RBFOX1: variants seen among roughly 807,000 people sequenced by gnomAD.
RBFOX1 encodes RNA binding fox-1 homolog 1, also known as RNA binding protein fox-1 homolog 1.
A neutral mutation model predicts 57.7 loss-of-function variants in RBFOX1; 8 were observed. The observed-to-expected ratio is 0.14, with a 90% CI of 0.08 to 0.25. RBFOX1 has a LOEUF of 0.25. RBFOX1 is among the 10% of genes least tolerant of loss of function. The probability of loss-of-function intolerance (pLI) is 1.00; values close to 1 mark genes in which losing one functional copy is unlikely to be tolerated. For missense variants in RBFOX1, 611 were observed against 548.5 expected (o/e 1.11, Z -1.14); for synonymous variants, 326 against 222.4 (o/e 1.47, Z -4.15).
At chr16:7,321,625 T>G (rs979127967) in intron 4 of RBFOX1, among the ~76,000 whole-genome samples, 1 of 152,222 alleles carries the variant, frequency 6.6e-6, no homozygotes, top group Non-Finnish European at 1.5e-5. Context: ...AGGATTTACC[T>G]TATAGGATAG....
At chr16:7,016,746 C>G (rs572853862) in intron 3 of RBFOX1, among the ~76,000 whole-genome samples, 3 of 152,186 alleles carry the variant, frequency 2.0e-5, no homozygotes, top group Non-Finnish European at 2.9e-5. Context: ...ATTAAACTGT[C>G]TACTTCACTG....
Position 7,004,593 on chromosome 16 carries a change from A to C in RBFOX1, c.-15-47464A>C, listed in dbSNP as rs75169220. On this transcript the variant is annotated intron_variant, in intron 3 of 15. Coordinates refer to ENST00000550418, the MANE Select transcript of RBFOX1 (RefSeq NM_018723.4). ...AGGTTTATTAGTACAATGAATTTCT[A>C]TTTAATGGCTTTAATTTAGAACAGT... Among the ~76,000 whole-genome samples the C allele has an allele frequency of 2.0e-5, 3 of 152,330 alleles. No individual in the cohort carries two copies. In the South Asian group the frequency reaches 6.2e-4, roughly 32 times the overall value.
intron 3 of RBFOX1, among the ~76,000 whole-genome samples, chr16:5,836,077 A>G (rs545185462): frequency 6.6e-6 from 1 of 152,338 alleles, no homozygotes; most frequent in South Asian, 2.1e-4. Context: ...AGCAAATTGT[A>G]GCTTGCAGCA....
chr16:7,280,650 A>G (rs1356094347), intron 4 of RBFOX1, among the ~76,000 whole-genome samples: 1 of 152,180 alleles, frequency 6.6e-6, no homozygotes, highest in Admixed American at 6.5e-5. Context: ...GGGGCAGTCA[A>G]CTGGCATCCT....
intron 1 of RBFOX1, among the ~76,000 whole-genome samples, chr16:5,447,230 T>C (rs1397876222): frequency 2.0e-5 from 3 of 152,070 alleles, no homozygotes; most frequent in Non-Finnish European, 2.9e-5. Context: ...GAAGGCAGTG[T>C]GTGTGATTAT....
chr16:7,362,002 T>G (rs1046964176), intron 4 of RBFOX1, among the ~76,000 whole-genome samples: 17 of 152,018 alleles, frequency 1.1e-4, no homozygotes, highest in African/African-American at 1.7e-4. Flanking sequence ...TTAGTGTGTG[T>G]ATGATTATGT....
chr16:5,910,491 A>C (rs1389418418), intron 4 of RBFOX1, among the ~76,000 whole-genome samples: 1 of 152,194 alleles, frequency 6.6e-6, no homozygotes, highest in African/African-American at 2.4e-5. Flanking sequence ...ATGGTTGGCT[A>C]CTATAAGAAT....
intron 3 of RBFOX1, among the ~76,000 whole-genome samples, chr16:6,874,661 C>G (rs2153276610): frequency 6.6e-6 from 1 of 152,150 alleles, no homozygotes; most frequent in African/African-American, 2.4e-5. Flanking sequence ...TTTTCCATTC[C>G]CGAGTTCCTT....
chr16:7,173,877 T>G (rs2081182598), intron 4 of RBFOX1, among the ~76,000 whole-genome samples: 1 of 152,188 alleles, frequency 6.6e-6, no homozygotes, highest in African/African-American at 2.4e-5. Context: ...AAATAACCTA[T>G]TATGCTCAGT....
chr16:5,545,248 G>A (rs1471889686), intron 2 of RBFOX1, among the ~76,000 whole-genome samples: 1 of 152,018 alleles, frequency 6.6e-6, no homozygotes. Context: ...AAAGTGCTGG[G>A]ATTACAGCTG....
intron 4 of RBFOX1, among the ~76,000 whole-genome samples, chr16:5,872,377 C>T (rs775399006): frequency 3.4e-4 from 51 of 152,150 alleles, no homozygotes; most frequent in Non-Finnish European, 6.0e-4. Context: ...CTTTTCTCCA[C>T]AAAATGGGAA....
chr16:7,468,129 T>C (rs1042337663), intron 4 of RBFOX1, among the ~76,000 whole-genome samples: 1 of 152,200 alleles, frequency 6.6e-6, no homozygotes, highest in African/African-American at 2.4e-5. Context: ...GGTAACAAGC[T>C]GTGTGTGAAA....
chr16:7,460,370 A>AAAAAAAAAATATATAT (rs1251870828), intron 4 of RBFOX1, among the ~76,000 whole-genome samples: 1 of 76,036 alleles, frequency 1.3e-5, no homozygotes, highest in African/African-American at 6.8e-5. Flanking sequence ...CATTTAGCAA[A>AAAAAAAAAATATATAT]ATATATATAT....
intron 3 of RBFOX1, among the ~76,000 whole-genome samples, chr16:6,985,521 A>T (rs2090043936): frequency 6.6e-6 from 1 of 152,140 alleles, no homozygotes; most frequent in Non-Finnish European, 1.5e-5. Flanking sequence ...TGTGTGGAAA[A>T]TACTGGATTA....
chr16:5,350,812 C>T (rs1184345475), intron 1 of RBFOX1, among the ~76,000 whole-genome samples: 2 of 152,166 alleles, frequency 1.3e-5, no homozygotes, highest in Non-Finnish European at 2.9e-5. Context: ...TTGCAGTGAG[C>T]CGATATTGCA....
At chr16:5,326,602 AT>A in intron 1 of RBFOX1, among the ~76,000 whole-genome samples, 1 of 152,148 alleles carries the variant, frequency 6.6e-6, no homozygotes, top group Non-Finnish European at 1.5e-5. Context: ...GATGTTCTTC[AT>A]TTTTCCTAGC....
chr16:5,383,695 A>C (rs1043465542), intron 1 of RBFOX1, among the ~76,000 whole-genome samples: 1 of 152,166 alleles, frequency 6.6e-6, no homozygotes, highest in Non-Finnish European at 1.5e-5. Context: ...GATGTTTCAC[A>C]CTATGATTTG....
chr16:5,356,219 G>A (rs1596638104), intron 1 of RBFOX1, among the ~76,000 whole-genome samples: 1 of 152,168 alleles, frequency 6.6e-6, no homozygotes. Flanking sequence ...CAGCCACCAG[G>A]AGCCAGGAGG....
At chr16:6,548,366 A>C (rs1251765753) in intron 2 of RBFOX1, among the ~76,000 whole-genome samples, 7 of 152,166 alleles carry the variant, frequency 4.6e-5, no homozygotes, top group Non-Finnish European at 1.0e-4. Context: ...CGGAGGTCTC[A>C]ATATCAAATT....
Sources: gnomAD v4.1 joint callset for allele counts (sites outside exome capture counted in the v4.1 genomes callset) on GRCh38, gnomAD v4.1.1 for gene constraint, MANE v1.5 for transcripts, NCBI Gene and HGNC (gene_info 2026-07-23, HGNC 2026-07-21) for gene names.